Variants in CHN2 observed in about 807,000 individuals in gnomAD.
CHN2 encodes the protein chimerin 2, also known as beta-chimaerin.
In CHN2, 35 loss-of-function variants were observed where a neutral mutation model predicts 56.3. The observed-to-expected ratio is 0.62, with a 90% CI of 0.47 to 0.82. The LOEUF is 0.82. Ranked by LOEUF, CHN2 falls within the 40% of genes least tolerant of loss-of-function variation. CHN2 has a pLI of 0.00. For synonymous variants in CHN2, 210 were observed against 212.8 expected (o/e 0.99, Z 0.12); for missense variants, 491 against 580.5 (o/e 0.85, Z 1.58).
At chr7:29,373,493 G>A (rs768623794) in intron 3 of CHN2, among the ~76,000 whole-genome samples, 3 of 152,154 alleles carry the variant, frequency 2.0e-5, no homozygotes, top group African/African-American at 7.2e-5. Context: ...CCAATCTTAA[G>A]TTGGAGTAGT....
intron 1 of CHN2, among the ~76,000 whole-genome samples, chr7:29,345,155 G>T (rs548491256): frequency 1.3e-5 from 2 of 152,098 alleles, no homozygotes; most frequent in Non-Finnish European, 2.9e-5. Flanking sequence ...CTACACACAG[G>T]TGCTGTCTAA....
chr7:29,426,206 CA>C (rs10630481), intron 6 of CHN2, among the ~76,000 whole-genome samples: 20 of 83,912 alleles, frequency 2.4e-4, no homozygotes, highest in South Asian at 5.4e-4. Flanking sequence ...GACTCTGTCT[CA>C]AAAAAAAAAA....
chr7:29,269,227 C>A (rs945417940), intron 1 of CHN2, among the ~76,000 whole-genome samples: 2 of 152,192 alleles, frequency 1.3e-5, no homozygotes, highest in Admixed American at 1.3e-4. Flanking sequence ...CAGCCTCTGG[C>A]AACCATCATT....
At chr7:29,470,318 A>G (rs1785914801) in intron 6 of CHN2, among the ~76,000 whole-genome samples, 1 of 152,232 alleles carries the variant, frequency 6.6e-6, no homozygotes, top group Non-Finnish European at 1.5e-5. Flanking sequence ...GAATGTGTCA[A>G]CATCCATGTT....
chr7:29,457,391 C>G (rs1784847726), intron 6 of CHN2, among the ~76,000 whole-genome samples: 1 of 152,108 alleles, frequency 6.6e-6, no homozygotes, highest in Admixed American at 6.5e-5. Flanking sequence ...TCATCAGCCC[C>G]CAGGCCGTCT....
At chr7:29,388,953 T>C (rs61070604) in intron 3 of CHN2, among the ~76,000 whole-genome samples, 38,466 of 152,208 alleles carry the variant, frequency 0.25, 5,027 homozygotes, top group Middle Eastern at 0.33. Flanking sequence ...ACATGGATGT[T>C]ATTTTAACAC....
At chr7:29,367,714 T>TA (rs900002026) in intron 2 of CHN2, among the ~76,000 whole-genome samples, 8 of 152,148 alleles carry the variant, frequency 5.3e-5, no homozygotes, top group South Asian at 2.1e-4. Context: ...CTTATAAGAA[T>TA]AAAAAAATCA....
rs559632323 is a variant in CHN2 at position 29,495,116 on chromosome 7, T to C, written c.655-836T>C. ...TATGGCCCCGATAGACTGCCTATGG[T>C]CATTTTAGATTGACCATGGCCACAT... On this transcript the variant is annotated intron_variant, in intron 7 of 12. Coordinates refer to ENST00000222792, the MANE Select transcript of CHN2 (RefSeq NM_004067.4). Among the ~76,000 whole-genome samples the C allele has an allele frequency of 3.3e-5, 5 of 152,312 alleles. No homozygotes were observed. The East Asian group carries it at 9.6e-4, about 29-fold the overall frequency.
chr7:29,445,154 AC>A (rs758650046), intron 6 of CHN2: 1 of 456,024 alleles, frequency 2.2e-6, no homozygotes, highest in South Asian at 1.5e-5. Context: ...GAGAAATCCC[AC>A]CAGTACATGT....
intron 3 of CHN2, among the ~76,000 whole-genome samples, chr7:29,371,289 G>A (rs1799590865): frequency 6.6e-6 from 1 of 152,116 alleles, no homozygotes; most frequent in Admixed American, 6.6e-5. Context: ...TGAGGATGAG[G>A]AACAGAAGGT....
intron 6 of CHN2, among the ~76,000 whole-genome samples, chr7:29,462,672 C>T (rs1026635814): frequency 6.6e-6 from 1 of 152,142 alleles, no homozygotes; most frequent in Non-Finnish European, 1.5e-5. Flanking sequence ...GCTCATGGCT[C>T]CAATGCAAAG....
At chr7:29,211,060 T>TG (rs1491267719) in intron 1 of CHN2, among the ~76,000 whole-genome samples, 1 of 145,202 alleles carries the variant, frequency 6.9e-6, no homozygotes, top group East Asian at 2.0e-4. Context: ...AGGTGTTTTG[T>TG]TTTTTTTTTT....
chr7:29,359,278 G>GA (rs1361023503), intron 2 of CHN2, among the ~76,000 whole-genome samples: 1 of 152,182 alleles, frequency 6.6e-6, no homozygotes, highest in African/African-American at 2.4e-5. Flanking sequence ...GGAGGAAGAT[G>GA]AAAATGGATG....
At chr7:29,371,326 G>A (rs1301488910) in intron 3 of CHN2, among the ~76,000 whole-genome samples, 1 of 152,326 alleles carries the variant, frequency 6.6e-6, no homozygotes, top group Non-Finnish European at 1.5e-5. Context: ...CAGCTCTGGC[G>A]CCAATTAAGC....
At chr7:29,363,760 A>G (rs541853777) in intron 2 of CHN2, among the ~76,000 whole-genome samples, 2 of 152,304 alleles carry the variant, frequency 1.3e-5, no homozygotes, top group East Asian at 3.9e-4. Context: ...CCTCCCTGAT[A>G]AGGTGAGGTT....
intron 9 of CHN2, among the ~76,000 whole-genome samples, chr7:29,502,757 G>A (rs80339261): frequency 4.8e-5 from 7 of 147,304 alleles, no homozygotes; most frequent in Non-Finnish European, 5.9e-5. Flanking sequence ...TTTTTTAAAA[G>A]TGACGGGATA....
At chr7:29,239,740 C>T (rs1478013017) in intron 1 of CHN2, among the ~76,000 whole-genome samples, 1 of 152,074 alleles carries the variant, frequency 6.6e-6, no homozygotes, top group Non-Finnish European at 1.5e-5. Context: ...CTGAGCCTGG[C>T]CTGGGAGTTG....
At chr7:29,233,911 G>T (rs1786947001) in intron 1 of CHN2, among the ~76,000 whole-genome samples, 1 of 127,276 alleles carries the variant, frequency 7.9e-6, no homozygotes, top group Admixed American at 1.0e-4. Context: ...TCGGCTCACT[G>T]CAAGCTCCGC....
chr7:29,396,459 CAAAAAAAAA>C lies in CHN2; in HGVS notation c.177-1896_177-1888del, dbSNP rs35163855. Among the ~76,000 whole-genome samples, 316 of 56,528 alleles carry C rather than the reference CAAAAAAAAA, an allele frequency of 5.6e-3. 2 individuals carry two copies. The highest frequency in any genetic ancestry group is 0.022 in the African/African-American group (300 of 13,690). The allele number at this position is 56,528 out of a possible 152,430, so 37.1% of individuals were successfully genotyped here. On this transcript the variant is annotated intron_variant, in intron 4 of 12. Coordinates refer to ENST00000222792, the MANE Select transcript of CHN2 (RefSeq NM_004067.4). ...TTAGGCTACAGAGTGAGACTCTCTCCAAAAAAAAAAAAAAAAAAAAAAAAAATCTAGCTG... is the reference window on the plus strand; with the variant it reads ...TTAGGCTACAGAGTGAGACTCTCTCCAAAAAAAAAAAAAAAAATCTAGCTG...
Sources: gnomAD v4.1 joint callset for allele counts (sites outside exome capture counted in the v4.1 genomes callset) on GRCh38, gnomAD v4.1.1 for gene constraint, MANE v1.5 for transcripts, NCBI Gene and HGNC (gene_info 2026-07-23, HGNC 2026-07-21) for gene names.